Variants in SYNJ2 observed in about 807,000 individuals in gnomAD.
SYNJ2 encodes polyphosphatidylinositol phosphatase SYNJ2.
Under a neutral mutation model 141.3 loss-of-function variants are expected in SYNJ2, and 116 were observed. That is an observed-to-expected ratio of 0.82 (90% confidence interval 0.71 to 0.96). The LOEUF (loss-of-function observed/expected upper bound fraction) is 0.96. Ranked by LOEUF, SYNJ2 falls within the 40% of genes least tolerant of loss-of-function variation. SYNJ2 has a pLI of 0.00. For missense variants in SYNJ2, 1,873 were observed against 1,934.8 expected (o/e 0.97, Z 0.60); for synonymous variants, 745 against 777.7 (o/e 0.96, Z 0.70).
chr6:158,071,454 C>T lies in SYNJ2; in HGVS notation c.1941-148C>T, dbSNP rs888774527. ...CGGCCTCCTGACCAGGAGTCGATGACGGCCACGGTGGCCACTGTGTTGAGC... is the reference window on the plus strand; with the variant it reads ...CGGCCTCCTGACCAGGAGTCGATGATGGCCACGGTGGCCACTGTGTTGAGC... On this transcript the variant is annotated intron_variant, in intron 14 of 26. Transcript: ENST00000355585. This position sits in a 1 kb window ranked among gnomAD's most constrained non-coding sequence, Gnocchi z 4.3. 2.7e-5 allele frequency: 24 copies of T among 875,716 alleles called. No individual in the cohort carries two copies. Among genetic ancestry groups the T allele is most frequent in the African/African-American group, 2.4e-4 (14 of 58,746 alleles). The allele number at this position is 875,716 out of a possible 1,614,324, so 54.2% of individuals were successfully genotyped here. A position where few individuals can be genotyped will look rare whatever the true frequency, so the allele number is the denominator to read the frequency against.
In SYNJ2 at chr6:158,066,617, G is replaced by A. The variant is rs747852087; in HGVS notation, c.1699G>A (p.Gly567Arg). The A allele has an allele frequency of 2.5e-6, 4 of 1,613,602 alleles. No homozygotes were observed. In the South Asian group the frequency reaches 3.3e-5, roughly 13 times the overall value. ...GCTGCTCGACTCGCCCCAGCTCTCGGGAGCTACCGACTCCCAGGGTGAGGG... is the reference window on the plus strand; with the variant it reads ...GCTGCTCGACTCGCCCCAGCTCTCGAGAGCTACCGACTCCCAGGGTGAGGG... ...DWLLDSPQLS[G>R]ATDSQDDSSP... is the part of the protein sequence containing the mutation. Residue 567 changes from glycine (G) to arginine (R), a missense_variant, in exon 12 of 27, where the codon GGA becomes AGA. Physicochemically the swap from Gly to Arg is moderately radical, Grantham distance 125 (BLOSUM62 -2). Coordinates refer to ENST00000355585, the MANE Select transcript of SYNJ2 (RefSeq NM_003898.4).
chr6:158,075,527 G>A (rs1782224857), intron 16 of SYNJ2, among the ~76,000 whole-genome samples: 1 of 151,862 alleles, frequency 6.6e-6, no homozygotes, highest in Non-Finnish European at 1.5e-5. Context: ...TGTAATCCCA[G>A]CTACTCAGGA....
At chr6:158,031,607 G>A (rs989535668) in intron 3 of SYNJ2, among the ~76,000 whole-genome samples, 3 of 133,906 alleles carry the variant, frequency 2.2e-5, no homozygotes, top group African/African-American at 8.9e-5. Flanking sequence ...AACCCCCACT[G>A]TTGTGGCGCA....
At chr6:158,044,813 T>A (rs763007378) in intron 5 of SYNJ2, among the ~76,000 whole-genome samples, 7 of 152,148 alleles carry the variant, frequency 4.6e-5, no homozygotes, top group Non-Finnish European at 1.0e-4. Context: ...TGTCTTTATC[T>A]ATAGATTTCC....
intron 12 of SYNJ2, chr6:158,067,846 C>T (rs1157513091): frequency 2.3e-5 from 23 of 985,286 alleles, no homozygotes; most frequent in Non-Finnish European, 2.7e-5. Flanking sequence ...CCTCCAGAAG[C>T]CATTCAGGAT....
rs1450532243 is a variant in SYNJ2, at chr6:158,083,417, C to T, written c.2866-12C>T. On this transcript the variant is annotated splice_polypyrimidine_tract_variant and intron_variant, in intron 20 of 26. Coordinates refer to ENST00000355585, the MANE Select transcript of SYNJ2 (RefSeq NM_003898.4). ...TTTTATTTATTCCTGGGTGGCCGCT[C>T]TGCCCTCCCAGGTGAAAGGCAGAGC... is the stretch of plus-strand genomic sequence containing the variant. 6.2e-7 allele frequency: 1 copy of T among 1,611,520 alleles called. No homozygotes were observed. Among genetic ancestry groups the T allele is most frequent in the East Asian group, 2.2e-5 (1 of 44,792 alleles).
At position 158,064,823 on chromosome 6, in the gene SYNJ2, C is replaced by A; in HGVS notation, c.1360-3C>A. 6.2e-7 allele frequency: 1 copy of A among 1,608,178 alleles called. No homozygotes were observed. Among genetic ancestry groups the A allele is most frequent in the African/African-American group, 1.3e-5 (1 of 74,992 alleles). On this transcript the variant is annotated splice_polypyrimidine_tract_variant and splice_region_variant and intron_variant, in intron 10 of 26. Coordinates refer to ENST00000355585, the MANE Select transcript of SYNJ2 (RefSeq NM_003898.4). ...CACGGCCTGCGGTCTGGGCTCTCGG[C>A]AGGTGGGGAAGCTGAAGGATGGAGC...
intron 26 of SYNJ2, chr6:158,094,189 T>C (rs1783654280): frequency 3.7e-6 from 2 of 545,392 alleles, no homozygotes; most frequent in South Asian, 2.8e-5. Context: ...CCCTTGTCCA[T>C]GCTTCCTTAC....
At chr6:158,013,332 G>T (rs1275779276) in intron 1 of SYNJ2, among the ~76,000 whole-genome samples, 2 of 152,124 alleles carry the variant, frequency 1.3e-5, no homozygotes, top group African/African-American at 4.8e-5. Flanking sequence ...AGTGAGCTGA[G>T]ATTGCACCAT....
intron 20 of SYNJ2, among the ~76,000 whole-genome samples, chr6:158,081,730 TC>T (rs1044200989): frequency 3.5e-5 from 5 of 143,320 alleles, no homozygotes; most frequent in African/African-American, 1.3e-4. Flanking sequence ...TAAGCAATCC[TC>T]CCATCTCAGC....
At chr6:158,034,458 C>T (rs1779534824) in intron 4 of SYNJ2, among the ~76,000 whole-genome samples, 1 of 152,172 alleles carries the variant, frequency 6.6e-6, no homozygotes, top group Non-Finnish European at 1.5e-5. Flanking sequence ...GAGAGGAATG[C>T]CTTATGCGGA....
chr6:158,020,585 G>A (rs1562329496), intron 2 of SYNJ2, among the ~76,000 whole-genome samples: 1 of 151,682 alleles, frequency 6.6e-6, no homozygotes, highest in Non-Finnish European at 1.5e-5. Context: ...GACTTCAACC[G>A]TGTGACCCCA....
At chr6:158,010,811 G>A (rs954955552) in intron 1 of SYNJ2, among the ~76,000 whole-genome samples, 1 of 149,284 alleles carries the variant, frequency 6.7e-6, no homozygotes, top group African/African-American at 2.5e-5. Context: ...ACGTGATGAT[G>A]GGGGGGACAT....
At position 157,992,613 on chromosome 6, in the gene SYNJ2, G is replaced by A. The variant is rs535930367; in HGVS notation, c.127+10525G>A. Reference sequence around the variant, plus strand: ...GGGTTTCACCATGTTGTCCAGGCTGGTCTCGAACTCCTGACCTCTGGTGAT... The same window carrying A: ...GGGTTTCACCATGTTGTCCAGGCTGATCTCGAACTCCTGACCTCTGGTGAT... On this transcript the variant is annotated intron_variant, in intron 1 of 26. Transcript: ENST00000355585. 1.1e-3 allele frequency among the ~76,000 whole-genome samples: 168 copies of A among 152,002 alleles called. 1 individual carries two copies. Among genetic ancestry groups the A allele is most frequent in the Non-Finnish European group, 2.2e-3 (149 of 67,982 alleles).
At chr6:157,992,862 G>T (rs1777502805) in intron 1 of SYNJ2, among the ~76,000 whole-genome samples, 1 of 152,178 alleles carries the variant, frequency 6.6e-6, no homozygotes, top group Non-Finnish European at 1.5e-5. Flanking sequence ...CACTGAAGTT[G>T]CTTCCAAATC....
At chr6:158,068,782 G>T in intron 13 of SYNJ2, 54 bp downstream of exon 13, 2 of 1,597,076 alleles carry the variant, frequency 1.3e-6, no homozygotes, top group Non-Finnish European at 1.7e-6. Flanking sequence ...CAGGTGCCTG[G>T]CTGGGAGCAG....
chr6:157,985,055 C>A (rs911875748), intron 1 of SYNJ2, among the ~76,000 whole-genome samples: 20 of 152,236 alleles, frequency 1.3e-4, no homozygotes, highest in African/African-American at 4.8e-4. Flanking sequence ...ACAGGCGCTG[C>A]CCCTTCATAG....
At chr6:158,007,604 A>C (rs1430450238) in intron 1 of SYNJ2, among the ~76,000 whole-genome samples, 1 of 152,186 alleles carries the variant, frequency 6.6e-6, no homozygotes, top group Non-Finnish European at 1.5e-5. Flanking sequence ...AATTGCTGGT[A>C]ACTTTTTTAG....
intron 16 of SYNJ2, among the ~76,000 whole-genome samples, chr6:158,076,213 A>G (rs1002572557): frequency 6.6e-6 from 1 of 151,888 alleles, no homozygotes. Context: ...GCTGACTTTC[A>G]CTCTGCGCTT....
Sources: allele counts gnomAD v4.1 joint callset (sites outside exome capture counted in the v4.1 genomes callset), GRCh38; gene constraint gnomAD v4.1.1; non-coding constraint Gnocchi (gnomAD v3.1); transcripts MANE v1.5; gene names NCBI Gene and HGNC (gene_info 2026-07-23, HGNC 2026-07-21).